SMAD7: variants seen among roughly 807,000 people sequenced by gnomAD.
The protein encoded by SMAD7 is MAD (mothers against decapentaplegic, Drosophila) homolog 7.
SMAD7 carries 8 observed loss-of-function variants against 38.7 expected under a neutral mutation model. That is an observed-to-expected ratio of 0.21 (90% CI 0.12 to 0.37). The LOEUF is 0.37. SMAD7 is among the 10% of genes least tolerant of loss of function. SMAD7 has a pLI of 1.00. For missense variants in SMAD7, 477 were observed against 577.9 expected (o/e 0.83, Z 1.79); for synonymous variants, 327 against 265.1 (o/e 1.23, Z -2.27).
At chr18:48,945,882 A>G (rs964527657) in intron 2 of SMAD7, among the ~76,000 whole-genome samples, 1 of 152,080 alleles carries the variant, frequency 6.6e-6, no homozygotes, top group Non-Finnish European at 1.5e-5. Flanking sequence ...TGGGATGTGG[A>G]GGTGGGGGTG....
In SMAD7 at chr18:48,950,571, G is replaced by A; in HGVS notation, c.-147C>T. 1 of 645,252 alleles carries A rather than the reference G, an allele frequency of 1.5e-6. No individual in the cohort carries two copies. The highest frequency in any genetic ancestry group is 2.3e-6 in the Non-Finnish European group (1 of 439,394). The allele number at this position is 645,252 out of a possible 1,614,324, so 40.0% of individuals were successfully genotyped here. ...CAGGGGCCCGGGCAGGAGCGGCGGC[G>A]GCCCGAGGGGCGCTCCGTGGCATGC... On this transcript the variant is annotated 5_prime_UTR_variant, in exon 1 of 4. Transcript: ENST00000262158.
chr18:48,938,400 A>G (rs1289494370), intron 3 of SMAD7, among the ~76,000 whole-genome samples: 1 of 152,168 alleles, frequency 6.6e-6, no homozygotes, highest in Admixed American at 6.5e-5. Context: ...CAAGAGATGG[A>G]GTTTCCCAGG....
intron 3 of SMAD7, among the ~76,000 whole-genome samples, chr18:48,928,914 C>T (rs1420955122): frequency 6.6e-6 from 1 of 152,138 alleles, no homozygotes; most frequent in Admixed American, 6.5e-5. Context: ...TTGTCTGTCT[C>T]GCCAGTCAGG....
chr18:48,945,176 C>CA (rs1173098708), intron 2 of SMAD7, among the ~76,000 whole-genome samples: 4 of 152,206 alleles, frequency 2.6e-5, no homozygotes, highest in Non-Finnish European at 5.9e-5. Flanking sequence ...AAGAACACAG[C>CA]ACTGCCAGGT....
chr18:48,927,030 T>C (rs1185933213), intron 3 of SMAD7, among the ~76,000 whole-genome samples: 1 of 152,206 alleles, frequency 6.6e-6, no homozygotes, highest in East Asian at 1.9e-4. Flanking sequence ...CTGAGATATC[T>C]GGGCTAACTT....
chr18:48,938,370 C>T (rs1204609792), intron 3 of SMAD7, among the ~76,000 whole-genome samples: 1 of 152,218 alleles, frequency 6.6e-6, no homozygotes, highest in African/African-American at 2.4e-5. Flanking sequence ...GTCTCTCCAA[C>T]AAGCATGACT....
chr18:48,949,274 G>T (rs2070232703), intron 1 of SMAD7: 1 of 985,214 alleles, frequency 1.0e-6, no homozygotes, highest in East Asian at 1.1e-4. Flanking sequence ...AAACTCCAAA[G>T]GTGCGCGGCC....
At chr18:48,938,331 C>A (rs757685352) in intron 3 of SMAD7, among the ~76,000 whole-genome samples, 1 of 152,158 alleles carries the variant, frequency 6.6e-6, no homozygotes, top group Non-Finnish European at 1.5e-5. Context: ...AAAGAGTTGG[C>A]CACCCTTGGG....
intron 3 of SMAD7, among the ~76,000 whole-genome samples, chr18:48,922,270 C>G (rs2069871424): frequency 6.6e-6 from 1 of 152,194 alleles, no homozygotes. Flanking sequence ...CCTCAAAAAG[C>G]CTCAGCAACG....
At position 48,949,852 on chromosome 18, in the gene SMAD7, C is replaced by A; in HGVS notation, c.573G>T (p.Val191=). 6.2e-7 allele frequency: 1 copy of A among 1,612,648 alleles called. No individual in the cohort carries two copies. Among genetic ancestry groups the A allele is most frequent in the Non-Finnish European group, 8.5e-7 (1 of 1,179,324 alleles). The change falls in exon 1 of 4, where the codon GTG becomes GTT. Residue 191 remains valine, a synonymous_variant. Coordinates refer to ENST00000262158, the MANE Select transcript of SMAD7 (RefSeq NM_005904.4). ...GGCTAAGGTGATGGGGGTTGCAGCA[C>A]ACCAGCTCGGGGTTGATCTTCCCGT... ...ESYGKINPEL[V]CCNPHHLSRL...
chr18:48,921,785 G>C lies in SMAD7; in HGVS notation c.868C>G (p.Leu290Val). ...QEPSLDIFYD[L>V]PQGNGFCLGQ... ...AGGCAAAAGCCATTCCCCTGAGGTA[G>C]ATCATAGAAGATATCCAGAGAGGGC... Residue 290 changes from leucine (L) to valine (V), a missense_variant, in exon 4 of 4, where the codon CTA becomes GTA. Leu to Val is a conservative substitution (Grantham distance 32, BLOSUM62 1). Coordinates refer to ENST00000262158, the MANE Select transcript of SMAD7 (RefSeq NM_005904.4). This position sits in a 1 kb window ranked among gnomAD's most constrained non-coding sequence, Gnocchi z 6.4. 6.2e-7 allele frequency: 1 copy of C among 1,614,172 alleles called. No individual in the cohort carries two copies. Among genetic ancestry groups the C allele is most frequent in the Non-Finnish European group, 8.5e-7 (1 of 1,180,038 alleles).
In SMAD7 at chr18:48,950,402, G is replaced by A. The variant is rs997235958; in HGVS notation, c.23C>T (p.Ala8Val). The A allele has an allele frequency of 2.6e-6, 4 of 1,550,418 alleles. No homozygotes were observed. The highest frequency in any genetic ancestry group is 2.8e-5 in the African/African-American group (2 of 71,114). The change falls in exon 1 of 4, where the codon GCG becomes GTG. Residue 8 changes from alanine to valine, a missense_variant. Ala to Val is a moderately conservative substitution (Grantham distance 64, BLOSUM62 0). Around this residue, in one of 2 missense-constraint regions of SMAD7, gnomAD observed 376 missense variants for 379.4 expected, o/e 0.99. Transcript: ENST00000262158. MFRTKRSALVRRLWRSRA... is the reference protein window; with the variant it reads MFRTKRSVLVRRLWRSRA... Reference sequence around the variant, plus strand: ...GCTCCTCCAGAGACGCCGGACGAGCGCAGATCGTTTGGTCCTGAACATGCG... The same window carrying A: ...GCTCCTCCAGAGACGCCGGACGAGCACAGATCGTTTGGTCCTGAACATGCG...
chr18:48,925,432 G>GGC (rs375547199), intron 3 of SMAD7, among the ~76,000 whole-genome samples: 48 of 118,154 alleles, frequency 4.1e-4, no homozygotes, highest in African/African-American at 1.3e-3. Context: ...TTAAGGTGTT[G>GGC]CCCCCCCCCA....
chr18:48,922,845 A>G (rs1275036044), intron 3 of SMAD7, among the ~76,000 whole-genome samples: 1 of 151,892 alleles, frequency 6.6e-6, no homozygotes, highest in Admixed American at 6.5e-5. Flanking sequence ...CCTCCCCTGC[A>G]GGCCCCGCCC....
chr18:48,947,178 C>T (rs1420996834), intron 2 of SMAD7, among the ~76,000 whole-genome samples: 5 of 152,138 alleles, frequency 3.3e-5, no homozygotes, highest in African/African-American at 4.8e-5. Context: ...TTTTGTAAAT[C>T]GAAAGCAAAA....
At chr18:48,942,640 T>C (rs1914345751) in intron 2 of SMAD7, 85 bp from the exon 3 acceptor site, 3 of 1,602,446 alleles carry the variant, frequency 1.9e-6, no homozygotes, top group African/African-American at 2.7e-5. Context: ...CTAAACAGCA[T>C]GAAAGACAAA....
Position 48,930,367 on chromosome 18 carries a change from C to T in SMAD7, c.743-8457G>A, listed in dbSNP as rs375831770. ...AGACCCAAGCCCCCACTCCCTCTGG[C>T]GGGTCCTCCCACTCCTAACCTCCAG... On this transcript the variant is annotated intron_variant, in intron 3 of 3. Coordinates refer to ENST00000262158, the MANE Select transcript of SMAD7 (RefSeq NM_005904.4). Among the ~76,000 whole-genome samples the T allele has an allele frequency of 7.9e-5, 12 of 152,252 alleles. No individual in the cohort carries two copies. In the South Asian group the frequency reaches 8.3e-4, roughly 11 times the overall value.
At chr18:48,938,832 C>G (rs1004041149) in intron 3 of SMAD7, among the ~76,000 whole-genome samples, 1 of 152,210 alleles carries the variant, frequency 6.6e-6, no homozygotes, top group Non-Finnish European at 1.5e-5. Context: ...TTCCCAGCTA[C>G]ATCAGACCTC....
intron 3 of SMAD7, among the ~76,000 whole-genome samples, chr18:48,922,722 C>G (rs917135449): frequency 6.6e-6 from 1 of 151,990 alleles, no homozygotes; most frequent in Non-Finnish European, 1.5e-5. Flanking sequence ...CAAATAGATG[C>G]GTCCCCCTTC....
Sources: allele counts gnomAD v4.1 joint callset (sites outside exome capture counted in the v4.1 genomes callset), GRCh38; gene constraint gnomAD v4.1.1; regional missense constraint gnomAD v4.1.1; non-coding constraint Gnocchi (gnomAD v3.1); transcripts MANE v1.5; gene names NCBI Gene and HGNC (gene_info 2026-07-23, HGNC 2026-07-21).